C2orf49: variants seen among roughly 807,000 people sequenced by gnomAD.
The protein encoded by C2orf49 is tRNA splicing ligase complex subunit 2.
In C2orf49, 11 loss-of-function variants were observed where a neutral mutation model predicts 20.6. The observed-to-expected ratio is 0.53, with a 90% CI of 0.34 to 0.88. The LOEUF is 0.88. Among genes scored for constraint, C2orf49 ranks in the 40% least tolerant of loss-of-function variants. C2orf49 has a pLI of 0.02. For synonymous variants in C2orf49, 134 were observed against 108.5 expected (o/e 1.24, Z -1.46); for missense variants, 289 against 274.2 (o/e 1.05, Z -0.38).
the C2orf49 span, chr2:105,374,038 G>A: frequency 2.5e-6 from 1 of 396,324 alleles, no homozygotes; most frequent in Non-Finnish European, 4.7e-6. Flanking sequence ...GCAAGAAAGA[G>A]AAACAGAAAA....
the C2orf49 span, chr2:105,359,461 A>G: frequency 6.6e-6 from 1 of 152,206 alleles, no homozygotes; most frequent in Non-Finnish European, 1.5e-5. Context: ...CTGATTTCAC[A>G]TATGCTCAGC....
the C2orf49 span, among the ~76,000 whole-genome samples, chr2:105,370,786 C>T: frequency 6.6e-6 from 1 of 152,180 alleles, no homozygotes; most frequent in Non-Finnish European, 1.5e-5. Context: ...AGACGCCCTG[C>T]CTTTGGTGCC....
intron 2 of C2orf49, among the ~76,000 whole-genome samples, chr2:105,340,306 G>A (rs1335090816): frequency 2.6e-5 from 4 of 152,200 alleles, no homozygotes; most frequent in African/African-American, 4.8e-5. Flanking sequence ...GCAGAGTGGT[G>A]ACATCATTAG....
chr2:105,350,160 G>A (rs1384747985), downstream of C2orf49, among the ~76,000 whole-genome samples: 1 of 152,144 alleles, frequency 6.6e-6, no homozygotes, highest in Non-Finnish European at 1.5e-5. Context: ...AGTCCAAATT[G>A]ATGACTCTCA....
intron 3 of C2orf49, among the ~76,000 whole-genome samples, chr2:105,344,857 C>T (rs771052397): frequency 1.3e-4 from 19 of 151,882 alleles, no homozygotes; most frequent in Admixed American, 2.6e-4. Flanking sequence ...GGATTACAGA[C>T]GTGAGCCACC....
rs909016570 is a variant in C2orf49 at position 105,347,460 on chromosome 2, T to C, written c.*2089T>C. ...ATAAAATTAATATTTTATTTGTATTTTAACTTACAGAGTAGGTTGGTAATA... is the reference window on the plus strand; with the variant it reads ...ATAAAATTAATATTTTATTTGTATTCTAACTTACAGAGTAGGTTGGTAATA... On this transcript the variant is annotated 3_prime_UTR_variant, in exon 4 of 4. Transcript: ENST00000258457. The C allele has an allele frequency of 5.9e-5, 9 of 152,250 alleles. No homozygotes were observed. Among genetic ancestry groups the C allele is most frequent in the Middle Eastern group, 3.2e-3 (1 of 316 alleles). 9.4% of individuals were successfully genotyped at this position (152,250 alleles called of 1,614,324 possible). A position where few individuals can be genotyped will look rare whatever the true frequency, so the allele number is the denominator to read the frequency against.
At chr2:105,378,227 G>T in the C2orf49 span, 1 of 469,134 alleles carries the variant, frequency 2.1e-6, no homozygotes, top group Non-Finnish European at 4.4e-6. Context: ...AATAGCTACA[G>T]TTTAAGACTG....
the C2orf49 span, among the ~76,000 whole-genome samples, chr2:105,369,927 C>G: frequency 6.6e-6 from 1 of 152,306 alleles, no homozygotes; most frequent in Admixed American, 6.5e-5. Context: ...TCAGGCATGG[C>G]GACAGCAGTG....
At chr2:105,349,951 C>G (rs1347419305), downstream of C2orf49, among the ~76,000 whole-genome samples, 1 of 152,190 alleles carries the variant, frequency 6.6e-6, no homozygotes, top group Non-Finnish European at 1.5e-5. Flanking sequence ...TTGTAACTTG[C>G]TTTGATCAAG....
chr2:105,365,131 T>C, the C2orf49 span, among the ~76,000 whole-genome samples: 1 of 152,170 alleles, frequency 6.6e-6, no homozygotes, highest in Non-Finnish European at 1.5e-5. Context: ...TAGCATGACT[T>C]TCTCAGAGAC....
the C2orf49 span, chr2:105,374,332 C>T: frequency 3.2e-5 from 5 of 155,686 alleles, no homozygotes; most frequent in Admixed American, 6.3e-5. Flanking sequence ...GATCTGGGGA[C>T]GGGGGGCATG....
the C2orf49 span, chr2:105,373,634 G>A: frequency 6.2e-7 from 1 of 1,614,208 alleles, no homozygotes; most frequent in Non-Finnish European, 8.5e-7. Context: ...CAGAGCAGCT[G>A]GTCCTCCTTG....
At chr2:105,371,899 C>A in the C2orf49 span, among the ~76,000 whole-genome samples, 1 of 152,114 alleles carries the variant, frequency 6.6e-6, no homozygotes, top group Non-Finnish European at 1.5e-5. Context: ...TGGCTTTCTA[C>A]GGGCTTCAAT....
chr2:105,372,233 C>CT, the C2orf49 span, among the ~76,000 whole-genome samples: 16 of 151,098 alleles, frequency 1.1e-4, no homozygotes, highest in East Asian at 1.8e-3. Context: ...ACATAACTTT[C>CT]TTTTTTTTTT....
the C2orf49 span, among the ~76,000 whole-genome samples, chr2:105,365,742 G>T: frequency 6.6e-6 from 1 of 151,974 alleles, no homozygotes; most frequent in South Asian, 2.1e-4. Flanking sequence ...CTGCTCAGGA[G>T]GCTGAGGCAG....
the C2orf49 span, among the ~76,000 whole-genome samples, chr2:105,355,062 T>C: frequency 1.3e-5 from 2 of 152,286 alleles, no homozygotes; most frequent in Admixed American, 6.5e-5. Flanking sequence ...GTGACTGTAA[T>C]GTAAGGGAGA....
At chr2:105,372,644 C>T in the C2orf49 span, among the ~76,000 whole-genome samples, 1 of 152,072 alleles carries the variant, frequency 6.6e-6, no homozygotes, top group African/African-American at 2.4e-5. Context: ...CAAAAATTAG[C>T]CAGGTGTGGT....
chr2:105,367,437 G>A, the C2orf49 span: 1 of 849,938 alleles, frequency 1.2e-6, no homozygotes, highest in Non-Finnish European at 1.9e-6. Context: ...CAGAATGTAA[G>A]GCAGGACAGG....
chr2:105,368,309 G>C, the C2orf49 span, among the ~76,000 whole-genome samples: 1 of 152,284 alleles, frequency 6.6e-6, no homozygotes, highest in East Asian at 1.9e-4. Context: ...ACTGTACTAA[G>C]TGCTATAATT....
Sources: gnomAD v4.1 joint callset for allele counts (sites outside exome capture counted in the v4.1 genomes callset) on GRCh38, gnomAD v4.1.1 for gene constraint, MANE v1.5 for transcripts, NCBI Gene and HGNC (gene_info 2026-07-23, HGNC 2026-07-21) for gene names.